Variants in ARHGEF18 observed in about 807,000 individuals in gnomAD.
ARHGEF18 encodes rho guanine nucleotide exchange factor 18.
Under a neutral mutation model 155.7 loss-of-function variants are expected in ARHGEF18, and 93 were observed. That is an observed-to-expected ratio of 0.60 (90% CI 0.50 to 0.71). The LOEUF is 0.71. Ranked by LOEUF, ARHGEF18 falls within the 30% of genes least tolerant of loss-of-function variation. The pLI, the probability that ARHGEF18 is intolerant of heterozygous loss-of-function variation, is 0.00. For synonymous variants in ARHGEF18, 742 were observed against 753.1 expected (o/e 0.99, Z 0.24); for missense variants, 1,593 against 1,816.1 (o/e 0.88, Z 2.23).
chr19:7,420,840 G>A (rs1973310357), intron 10 of ARHGEF18, among the ~76,000 whole-genome samples: 1 of 152,232 alleles, frequency 6.6e-6, no homozygotes, highest in Non-Finnish European at 1.5e-5. Context: ...GTTATGGGGT[G>A]AGCCTGTCAA....
intron 10 of ARHGEF18, among the ~76,000 whole-genome samples, chr19:7,404,353 G>A (rs191345176): frequency 2.0e-4 from 31 of 151,798 alleles, no homozygotes; most frequent in Admixed American, 3.9e-4. Context: ...TGTAAATACC[G>A]ACTGATCTGG....
At chr19:7,417,132 A>T (rs186453799) in intron 10 of ARHGEF18, among the ~76,000 whole-genome samples, 2 of 151,428 alleles carry the variant, frequency 1.3e-5, no homozygotes. Context: ...CTGGTCTCGA[A>T]CTCCTGACCT....
At chr19:7,370,547 C>T (rs181359619) in intron 2 of ARHGEF18, among the ~76,000 whole-genome samples, 1 of 151,978 alleles carries the variant, frequency 6.6e-6, no homozygotes, top group East Asian at 1.9e-4. Context: ...ATAAAATTAC[C>T]ATATGATCCC....
intron 15 of ARHGEF18, among the ~76,000 whole-genome samples, chr19:7,448,322 C>A (rs1975130766): frequency 6.6e-6 from 1 of 152,204 alleles, no homozygotes; most frequent in South Asian, 2.1e-4. Flanking sequence ...CAGTACCAGC[C>A]TGCCCAACAT....
chr19:7,365,118 G>A (rs568584921), intron 2 of ARHGEF18, among the ~76,000 whole-genome samples: 1 of 152,178 alleles, frequency 6.6e-6, no homozygotes, highest in Non-Finnish European at 1.5e-5. Context: ...ACACTGAGGG[G>A]CTGGGCATGG....
rs144064050 is a variant in ARHGEF18 at position 7,428,452 on chromosome 19, G to A, written c.968-11892G>A. The stretch of plus-strand genomic sequence containing the variant: ...ACTTCTCTCAAGCTGGAGTGCAGTG[G>A]TGCGATCATAGCTCACTGTAGCCTC... On this transcript the variant is annotated intron_variant, in intron 10 of 28. Coordinates refer to ENST00000668164, the MANE Select transcript of ARHGEF18 (RefSeq NM_001367823.1). Among the ~76,000 whole-genome samples, 10 of 152,146 alleles carry A rather than the reference G, an allele frequency of 6.6e-5. No homozygotes were observed. The East Asian group carries it at 2.0e-3, about 30-fold the overall frequency.
chr19:7,469,306 C>T (rs2241398), intron 27 of ARHGEF18, among the ~76,000 whole-genome samples, 175 bp downstream of exon 27: 84,146 of 152,070 alleles, frequency 0.55, 24,120 homozygotes, highest in African/African-American at 0.69. Flanking sequence ...GTTTGGTCTC[C>T]AGGCCCAAAA....
At chr19:7,453,784 T>G (rs1975653624) in intron 17 of ARHGEF18, 69 bp downstream of exon 17, 1 of 1,482,522 alleles carries the variant, frequency 6.7e-7, no homozygotes, top group Non-Finnish European at 8.9e-7. Context: ...CTTGGAGTGG[T>G]GGGCACTGTC....
chr19:7,452,124 C>T (rs1277345098), intron 16 of ARHGEF18, among the ~76,000 whole-genome samples: 1 of 152,234 alleles, frequency 6.6e-6, no homozygotes, highest in East Asian at 1.9e-4. Flanking sequence ...GCCCCTAGCA[C>T]AGGCTGGGCC....
At chr19:7,355,821 G>A (rs1214259949) in intron 1 of ARHGEF18, 2 of 540,876 alleles carry the variant, frequency 3.7e-6, no homozygotes, top group Non-Finnish European at 4.7e-6. Flanking sequence ...TGCTGGCATC[G>A]GCCCTGGATT....
rs185636806 is a variant in ARHGEF18, at chr19:7,425,520, A to G, written c.968-14824A>G. Reference sequence around the variant, plus strand: ...AACATGGTGACACCCCGTCTCTACTAAAAATACAAAAATTAGCCAGGCATG... The same window carrying G: ...AACATGGTGACACCCCGTCTCTACTGAAAATACAAAAATTAGCCAGGCATG... On this transcript the variant is annotated intron_variant, in intron 10 of 28. Coordinates refer to ENST00000668164, the MANE Select transcript of ARHGEF18 (RefSeq NM_001367823.1). Among the ~76,000 whole-genome samples the G allele has an allele frequency of 1.3e-3, 190 of 151,932 alleles. 3 individuals are homozygous for G. The East Asian group carries it at 0.03, about 24-fold the overall frequency.
At chr19:7,367,840 T>TACACACATATATA (rs71177201) in intron 2 of ARHGEF18, among the ~76,000 whole-genome samples, 1 of 34,408 alleles carries the variant, frequency 2.9e-5, no homozygotes, top group Non-Finnish European at 6.3e-5. Flanking sequence ...CATATATATA[T>TACACACATATATA]TTTATATATA....
chr19:7,350,605 T>A (rs1181791747), intron 1 of ARHGEF18, among the ~76,000 whole-genome samples: 1 of 152,160 alleles, frequency 6.6e-6, no homozygotes, highest in Non-Finnish European at 1.5e-5. Flanking sequence ...GATGGGCATA[T>A]GTTGATGCTC....
chr19:7,393,900 C>A (rs960858278), intron 10 of ARHGEF18, among the ~76,000 whole-genome samples: 2 of 150,370 alleles, frequency 1.3e-5, no homozygotes, highest in African/African-American at 4.9e-5. Flanking sequence ...ATGGCACCTG[C>A]CTGGGTGCCT....
chr19:7,402,216 C>T (rs758554798), intron 10 of ARHGEF18, among the ~76,000 whole-genome samples: 1 of 152,024 alleles, frequency 6.6e-6, no homozygotes, highest in Non-Finnish European at 1.5e-5. Flanking sequence ...GTCAGGAGTT[C>T]GAGACCAGCC....
Position 7,463,531 on chromosome 19 carries a change from G to A in ARHGEF18, c.2636-287G>A, listed in dbSNP as rs918383137. Among the ~76,000 whole-genome samples the A allele has an allele frequency of 6.6e-6, 1 of 152,170 alleles. No individual in the cohort carries two copies. On this transcript the variant is annotated intron_variant, in intron 21 of 28. Coordinates refer to ENST00000668164, the MANE Select transcript of ARHGEF18 (RefSeq NM_001367823.1). This position sits in a 1 kb window ranked among gnomAD's most constrained non-coding sequence, Gnocchi z 5.2. ...CATTCGCCAGCCCCTGGCCCAGGGC[G>A]GCCTGGTGGAAGGAGCTGCAGGAGC...
chr19:7,404,796 G>A (rs975242531), intron 10 of ARHGEF18, among the ~76,000 whole-genome samples: 1 of 152,066 alleles, frequency 6.6e-6, no homozygotes, highest in Non-Finnish European at 1.5e-5. Context: ...CTGAAGACAG[G>A]GGCCTCAGGG....
chr19:7,411,736 C>T (rs542399523), intron 10 of ARHGEF18, among the ~76,000 whole-genome samples: 8 of 152,118 alleles, frequency 5.3e-5, no homozygotes, highest in Non-Finnish European at 1.0e-4. Flanking sequence ...CAAGCTGCAA[C>T]TCTGTCCTCA....
chr19:7,373,464 T>TG (rs1970290501), intron 3 of ARHGEF18, among the ~76,000 whole-genome samples: 1 of 87,848 alleles, frequency 1.1e-5, no homozygotes, highest in East Asian at 5.2e-4. Flanking sequence ...TTTGTGTTTG[T>TG]TTTTTTTTTT....
Sources: allele counts gnomAD v4.1 joint callset (sites outside exome capture counted in the v4.1 genomes callset), GRCh38; gene constraint gnomAD v4.1.1; non-coding constraint Gnocchi (gnomAD v3.1); transcripts MANE v1.5; gene names NCBI Gene and HGNC (gene_info 2026-07-23, HGNC 2026-07-21).